Variants in ZNF827 observed in about 807,000 individuals in gnomAD.
ZNF827 encodes the protein zinc finger protein 827.
ZNF827 carries 13 observed loss-of-function variants against 102.4 expected under a neutral mutation model. That is an observed-to-expected ratio of 0.13 (90% CI 0.08 to 0.20). The LOEUF (loss-of-function observed/expected upper bound fraction) is 0.20. ZNF827 is among the 10% of genes least tolerant of loss of function. The probability of loss-of-function intolerance (pLI) is 1.00; values close to 1 mark genes in which losing one functional copy is unlikely to be tolerated. For missense variants in ZNF827, 1,103 were observed against 1,344.4 expected (o/e 0.82, Z 2.81); for synonymous variants, 523 against 536.2 (o/e 0.98, Z 0.34).
At chr4:145,796,303 GT>G (rs1197502389) in intron 8 of ZNF827, among the ~76,000 whole-genome samples, 1 of 152,174 alleles carries the variant, frequency 6.6e-6, no homozygotes, top group Non-Finnish European at 1.5e-5. Flanking sequence ...GTTTCCACTT[GT>G]TTGTGCATAA....
chr4:145,872,894 C>T (rs1579438616), intron 4 of ZNF827, among the ~76,000 whole-genome samples: 1 of 149,188 alleles, frequency 6.7e-6, no homozygotes, highest in South Asian at 2.1e-4. Context: ...AAAACAAAAA[C>T]AAAAACAAAA....
chr4:145,910,216 G>A (rs899590678), intron 1 of ZNF827, among the ~76,000 whole-genome samples: 3 of 152,166 alleles, frequency 2.0e-5, no homozygotes, highest in Admixed American at 1.3e-4. Context: ...TATTCTAAAT[G>A]ACCGTGAGTA....
At chr4:145,933,309 C>G (rs987186746) in intron 1 of ZNF827, among the ~76,000 whole-genome samples, 1 of 152,122 alleles carries the variant, frequency 6.6e-6, no homozygotes, top group African/African-American at 2.4e-5. Context: ...CTCTGGATGA[C>G]AGGATCAGTG....
intron 5 of ZNF827, among the ~76,000 whole-genome samples, chr4:145,851,318 A>G (rs1042924408): frequency 2.0e-5 from 3 of 152,238 alleles, no homozygotes; most frequent in African/African-American, 7.2e-5. Flanking sequence ...AGGCAGACAG[A>G]CACACAGGTA....
intron 5 of ZNF827, among the ~76,000 whole-genome samples, chr4:145,855,315 G>A (rs1746966539): frequency 6.6e-6 from 1 of 152,146 alleles, no homozygotes; most frequent in African/African-American, 2.4e-5. Context: ...GCTTTTCAAT[G>A]GGATAAATCA....
intron 8 of ZNF827, among the ~76,000 whole-genome samples, chr4:145,805,253 C>T: frequency 6.6e-6 from 1 of 152,018 alleles, no homozygotes; most frequent in East Asian, 1.9e-4. Context: ...AAAAAAGAAT[C>T]CTGGTTTCAT....
intron 7 of ZNF827, chr4:145,831,808 A>C (rs1744234461): frequency 6.6e-6 from 1 of 152,226 alleles, no homozygotes; most frequent in Admixed American, 6.5e-5. Context: ...CAAGTGTGGC[A>C]AAATGTTGAT....
intron 8 of ZNF827, among the ~76,000 whole-genome samples, chr4:145,820,973 A>C (rs1297136916): frequency 6.6e-6 from 1 of 152,214 alleles, no homozygotes; most frequent in Non-Finnish European, 1.5e-5. Context: ...GCAGATTACT[A>C]AAATAAATGT....
In ZNF827 at chr4:145,765,873, A is replaced by AG; in HGVS notation, c.2861-136_2861-135insC. 8.3e-6 allele frequency: 7 copies of AG among 846,572 alleles called. No homozygotes were observed. Among genetic ancestry groups the AG allele is most frequent in the Non-Finnish European group, 1.2e-5 (7 of 568,546 alleles). The allele number at this position is 846,572 out of a possible 1,614,324, so 52.4% of individuals were successfully genotyped here. A position where few individuals can be genotyped will look rare whatever the true frequency, so the allele number is the denominator to read the frequency against. ...ACAGGCTCATGTCCCCAGCTCCCCC[A>AG]CTGCTGGGGGATCCCAGGTCCTAAG... On this transcript the variant is annotated intron_variant, in intron 11 of 14. Transcript: ENST00000508784. This position sits in a 1 kb window ranked among gnomAD's most constrained non-coding sequence, Gnocchi z 4.7.
chr4:145,861,182 G>C (rs576183492), intron 5 of ZNF827, among the ~76,000 whole-genome samples: 1 of 152,008 alleles, frequency 6.6e-6, no homozygotes, highest in Non-Finnish European at 1.5e-5. Context: ...TCTTTGACAT[G>C]AATATGTTAA....
rs540920427 is a variant in ZNF827, at chr4:145,791,316, T to G, written c.2384-11805A>C. On this transcript the variant is annotated intron_variant, in intron 8 of 14. Transcript: ENST00000508784. ...GCCTCTTTTATAGGGGCACTAATCC[T>G]AGTCATGAGGGCTCCACTCCCAAGA... Among the ~76,000 whole-genome samples the G allele has an allele frequency of 1.3e-3, 196 of 152,268 alleles. 1 individual carries two copies. The highest frequency in any genetic ancestry group is 2.3e-3 in the Non-Finnish European group (157 of 68,012).
At chr4:145,927,037 C>T (rs369120048) in intron 1 of ZNF827, among the ~76,000 whole-genome samples, 2 of 152,056 alleles carry the variant, frequency 1.3e-5, no homozygotes, top group African/African-American at 4.8e-5. Context: ...TTGAAGTTTG[C>T]CTTCCTCTAG....
At chr4:145,933,961 T>C (rs1414232693) in intron 1 of ZNF827, among the ~76,000 whole-genome samples, 3 of 152,202 alleles carry the variant, frequency 2.0e-5, no homozygotes, top group African/African-American at 4.8e-5. Flanking sequence ...GCTGACAAAC[T>C]TTTTAAAGTT....
At chr4:145,828,372 G>A (rs149804822) in intron 7 of ZNF827, among the ~76,000 whole-genome samples, 65 of 152,282 alleles carry the variant, frequency 4.3e-4, no homozygotes, top group African/African-American at 1.5e-3. Flanking sequence ...AATATTTTTG[G>A]TAAAAAGTTG....
chr4:145,805,247 A>C lies in ZNF827; in HGVS notation c.2383+18175T>G, dbSNP rs1034625760. On this transcript the variant is annotated intron_variant, in intron 8 of 14. Coordinates refer to ENST00000508784, the MANE Select transcript of ZNF827 (RefSeq NM_001306215.2). ...CTAAATAATGGATTTGTCTCTAAAA[A>C]AGAATCCTGGTTTCATGTTCTTTAA... is the stretch of plus-strand genomic sequence containing the variant. Among the ~76,000 whole-genome samples, 8 of 152,268 alleles carry C rather than the reference A, an allele frequency of 5.3e-5. 1 individual carries two copies. The South Asian group carries it at 1.5e-3, about 28-fold the overall frequency.
rs374423031 is a variant in ZNF827, at chr4:145,762,312, C to T, written c.*18-714G>A. On this transcript the variant is annotated intron_variant, in intron 14 of 14. Transcript: ENST00000508784. This position sits in a 1 kb window ranked among gnomAD's most constrained non-coding sequence, Gnocchi z 4.9. ...TGGGAGGAGAAGGAAGCCCACCCAA[C>T]GGCCCATCTGCTAATGAGGAAGGGA... Among the ~76,000 whole-genome samples the T allele has an allele frequency of 1.4e-4, 22 of 152,284 alleles. No homozygotes were observed. The highest frequency in any genetic ancestry group is 4.3e-4 in the African/African-American group (18 of 41,552).
intron 5 of ZNF827, among the ~76,000 whole-genome samples, chr4:145,851,013 A>C (rs773939306): frequency 5.3e-5 from 8 of 152,232 alleles, no homozygotes; most frequent in Non-Finnish European, 8.8e-5. Flanking sequence ...GAAGAGGACA[A>C]GACATAGAAA....
chr4:145,788,650 A>C (rs1045215033), intron 8 of ZNF827, among the ~76,000 whole-genome samples: 2 of 152,166 alleles, frequency 1.3e-5, no homozygotes, highest in South Asian at 4.1e-4. Flanking sequence ...TTTATATTAC[A>C]ACATGGAAGC....
Position 145,897,877 on chromosome 4 carries a change from G to A in ZNF827, c.1093+4289C>T, listed in dbSNP as rs1352555396. Among the ~76,000 whole-genome samples the A allele has an allele frequency of 2.0e-5, 3 of 152,090 alleles. No homozygotes were observed. The South Asian group carries it at 6.2e-4, about 32-fold the overall frequency. ...TTAAGGCTTATTGAGACTTATGGCC[G>A]GGTCCTGTGCTTCATGCCTGTAATC... On this transcript the variant is annotated intron_variant, in intron 2 of 14. Coordinates refer to ENST00000508784, the MANE Select transcript of ZNF827 (RefSeq NM_001306215.2).
Sources: gnomAD v4.1 joint callset for allele counts (sites outside exome capture counted in the v4.1 genomes callset) on GRCh38, gnomAD v4.1.1 for gene constraint, Gnocchi (gnomAD v3.1) non-coding constraint, MANE v1.5 for transcripts, NCBI Gene and HGNC (gene_info 2026-07-23, HGNC 2026-07-21) for gene names.